The following CDIN1 variants were observed in gnomAD, a reference collection of about 807,000 sequenced individuals.
CDIN1 encodes the protein CDAN1 interacting nuclease 1.
A neutral mutation model predicts 45.3 loss-of-function variants in CDIN1; 33 were observed. The ratio of observed to expected loss-of-function variants is 0.73; its 90% CI spans 0.55 to 0.97. The LOEUF (loss-of-function observed/expected upper bound fraction) is 0.97, where lower values mean the gene tolerates loss of function less well. Ranked by LOEUF, CDIN1 falls within the 50% of genes least tolerant of loss-of-function variation. The pLI, the probability that CDIN1 is intolerant of heterozygous loss-of-function variation, is 0.00. For missense variants in CDIN1, 303 were observed against 339.4 expected (o/e 0.89, Z 0.84); for synonymous variants, 118 against 124.4 (o/e 0.95, Z 0.34).
chr15:36,643,805 T>G (rs1220673913), intron 1 of CDIN1, among the ~76,000 whole-genome samples: 1 of 152,216 alleles, frequency 6.6e-6, no homozygotes, highest in African/African-American at 2.4e-5. Context: ...CTACTTCTAG[T>G]AAAGACCAAA....
chr15:36,643,209 C>T lies in CDIN1; in HGVS notation c.102-1069C>T, dbSNP rs138388747. On this transcript the variant is annotated intron_variant, in intron 1 of 10. Transcript: ENST00000566621. ...ACATTTAGGGTATTTTTTTCTTAAC[C>T]TACTCTTGTAATTTGGTAAGGGTGG... Among the ~76,000 whole-genome samples the T allele has an allele frequency of 1.3e-3, 202 of 151,622 alleles. 1 individual carries two copies. The highest frequency in any genetic ancestry group is 4.8e-3 in the African/African-American group (200 of 41,326).
intron 1 of CDIN1, among the ~76,000 whole-genome samples, chr15:36,625,120 A>C (rs1169067979): frequency 6.6e-6 from 1 of 151,994 alleles, no homozygotes; most frequent in Non-Finnish European, 1.5e-5. Context: ...TACTAAAAAT[A>C]CAAAAGAAAA....
Position 36,808,624 on chromosome 15 carries a change from C to T in CDIN1, c.*171C>T. The T allele has an allele frequency of 2.3e-6, 2 of 881,192 alleles. No individual in the cohort carries two copies. The highest frequency in any genetic ancestry group is 2.7e-5 in the Admixed American group (1 of 36,646). 54.6% of individuals were successfully genotyped at this position (881,192 alleles called of 1,614,324 possible). On this transcript the variant is annotated 3_prime_UTR_variant, in exon 11 of 11. Transcript: ENST00000566621. The stretch of plus-strand genomic sequence containing the variant: ...CAAACATATCAAGAGTTTCTGTTTT[C>T]CTTCATCCCTTGCTGATGTGAACAG...
At chr15:36,762,338 C>A (rs1465120171) in intron 10 of CDIN1, among the ~76,000 whole-genome samples, 2 of 151,980 alleles carry the variant, frequency 1.3e-5, no homozygotes, top group African/African-American at 4.8e-5. Flanking sequence ...TTTTGGTCAC[C>A]CACATATTGC....
At chr15:36,734,299 G>T (rs1242576487) in intron 10 of CDIN1, 2 of 347,604 alleles carry the variant, frequency 5.8e-6, no homozygotes, top group Non-Finnish European at 1.1e-5. Flanking sequence ...ACATGTTCAT[G>T]TACACTTTGT....
chr15:36,752,708 C>T (rs1595557487), intron 10 of CDIN1, among the ~76,000 whole-genome samples: 1 of 152,272 alleles, frequency 6.6e-6, no homozygotes, highest in East Asian at 1.9e-4. Context: ...AGACTCGAAA[C>T]ATATAATGTA....
chr15:36,666,499 G>C (rs1245294867), intron 5 of CDIN1, among the ~76,000 whole-genome samples: 2 of 152,162 alleles, frequency 1.3e-5, no homozygotes, highest in Non-Finnish European at 2.9e-5. Context: ...AAGATTGTCA[G>C]AACAATGTTC....
intron 10 of CDIN1, among the ~76,000 whole-genome samples, chr15:36,751,251 A>ATATATATATG (rs2053462584): frequency 7.0e-6 from 1 of 142,226 alleles, no homozygotes; most frequent in Admixed American, 7.0e-5. Context: ...ATATATATAT[A>ATATATATATG]TATATATATG....
At chr15:36,591,809 G>C (rs2037588923) in intron 1 of CDIN1, 1 of 152,180 alleles carries the variant, frequency 6.6e-6, no homozygotes, top group Non-Finnish European at 1.5e-5. Context: ...CCTACCCAGT[G>C]ATTTGACCAA....
intron 3 of CDIN1, 116 bp from the exon 4 acceptor site, chr15:36,653,982 C>A: frequency 2.8e-6 from 2 of 705,938 alleles, no homozygotes; most frequent in Non-Finnish European, 4.7e-6. Flanking sequence ...CTTACTTTAA[C>A]TAGAGTTGAG....
intron 3 of CDIN1, among the ~76,000 whole-genome samples, chr15:36,646,947 G>A (rs1279543871): frequency 2.7e-5 from 4 of 150,388 alleles, no homozygotes; most frequent in Admixed American, 1.3e-4. Flanking sequence ...TCATTAAAAA[G>A]TATATCTAAT....
intron 1 of CDIN1, among the ~76,000 whole-genome samples, chr15:36,602,710 C>A (rs1048546059): frequency 6.6e-6 from 1 of 152,140 alleles, no homozygotes; most frequent in African/African-American, 2.4e-5. Flanking sequence ...CAGTGGCTCA[C>A]GCCTGTAATC....
intron 10 of CDIN1, among the ~76,000 whole-genome samples, chr15:36,780,886 A>G (rs1407320304): frequency 1.3e-5 from 2 of 152,182 alleles, no homozygotes; most frequent in African/African-American, 2.4e-5. Context: ...ACCATGATTT[A>G]GGCTGAGGTT....
chr15:36,775,287 G>A (rs1410882333), intron 10 of CDIN1, among the ~76,000 whole-genome samples: 2 of 152,240 alleles, frequency 1.3e-5, no homozygotes, highest in Non-Finnish European at 2.9e-5. Flanking sequence ...TCGTCTAGTT[G>A]TTAAAATATC....
intron 5 of CDIN1, among the ~76,000 whole-genome samples, chr15:36,690,538 G>A (rs2042211249): frequency 1.3e-5 from 2 of 152,084 alleles, no homozygotes; most frequent in Admixed American, 1.3e-4. Flanking sequence ...AAAGTGCTGG[G>A]ATTACAGACG....
chr15:36,613,643 C>A lies in CDIN1; in HGVS notation c.102-30635C>A, dbSNP rs1033785189. 8 of 1,427,030 alleles carry A rather than the reference C, an allele frequency of 5.6e-6. No homozygotes were observed. The African/African-American group carries it at 1.1e-4, about 20-fold the overall frequency. 88.4% of individuals were successfully genotyped at this position (1,427,030 alleles called of 1,614,324 possible). A position where few individuals can be genotyped will look rare whatever the true frequency, so the allele number is the denominator to read the frequency against. ...GGCCTCCTTGAACCGTAGGATCAAG[C>A]TGGTTGAAGAGGAGCTGGACCGTGC... On this transcript the variant is annotated intron_variant, in intron 1 of 10. Transcript: ENST00000566621.
At chr15:36,731,383 T>C (rs2043828182) in intron 10 of CDIN1, among the ~76,000 whole-genome samples, 1 of 152,176 alleles carries the variant, frequency 6.6e-6, no homozygotes, top group African/African-American at 2.4e-5. Context: ...CTACGATTAC[T>C]TTACTGTCAT....
chr15:36,663,783 T>C (rs2041121318), intron 5 of CDIN1, among the ~76,000 whole-genome samples: 1 of 152,238 alleles, frequency 6.6e-6, no homozygotes, highest in Admixed American at 6.5e-5. Flanking sequence ...CTCTCATTTA[T>C]TTAAAAGTAC....
At chr15:36,731,544 A>G (rs530934618) in intron 10 of CDIN1, among the ~76,000 whole-genome samples, 5 of 152,268 alleles carry the variant, frequency 3.3e-5, no homozygotes, top group African/African-American at 1.2e-4. Context: ...ATGTAACACA[A>G]ATACCATGGA....
Sources: allele counts gnomAD v4.1 joint callset (sites outside exome capture counted in the v4.1 genomes callset), GRCh38; gene constraint gnomAD v4.1.1; transcripts MANE v1.5; gene names NCBI Gene and HGNC (gene_info 2026-07-23, HGNC 2026-07-21).